ASIC2: variants seen among roughly 807,000 people sequenced by gnomAD.
ASIC2 encodes the protein acid sensing ion channel subunit 2.
ASIC2 carries 25 observed loss-of-function variants against 57.3 expected under a neutral mutation model. That is an observed-to-expected ratio of 0.44 (90% CI 0.32 to 0.61). The LOEUF (loss-of-function observed/expected upper bound fraction) is 0.61. ASIC2 is among the 20% of genes least tolerant of loss of function. The pLI, the probability that ASIC2 is intolerant of heterozygous loss-of-function variation, is 0.06. For synonymous variants in ASIC2, 319 were observed against 307.5 expected (o/e 1.04, Z -0.39); for missense variants, 641 against 738.1 (o/e 0.87, Z 1.52).
At chr17:33,702,979 G>A (rs902511674) in intron 1 of ASIC2, among the ~76,000 whole-genome samples, 8 of 152,146 alleles carry the variant, frequency 5.3e-5, no homozygotes, top group Non-Finnish European at 1.2e-4. Flanking sequence ...ACAGAGTTAC[G>A]GATTGTGCCC....
chr17:33,865,759 TAA>T (rs61218521), intron 1 of ASIC2, among the ~76,000 whole-genome samples: 1,869 of 122,116 alleles, frequency 0.015, 22 homozygotes, highest in African/African-American at 0.02. Flanking sequence ...AAAAAAAAAA[TAA>T]AAAAAAAAAA....
chr17:33,827,782 T>C (rs1391661574), intron 1 of ASIC2: 3 of 152,208 alleles, frequency 2.0e-5, no homozygotes, highest in African/African-American at 7.2e-5. Flanking sequence ...CAGATATACA[T>C]GTACCATGAT....
intron 1 of ASIC2, among the ~76,000 whole-genome samples, chr17:33,503,659 G>A (rs1032359530): frequency 1.3e-5 from 2 of 152,150 alleles, no homozygotes; most frequent in Non-Finnish European, 2.9e-5. Flanking sequence ...TTGGAGCTCA[G>A]TGAGTGGTTG....
intron 1 of ASIC2, among the ~76,000 whole-genome samples, chr17:33,596,558 C>T (rs541716006): frequency 1.1e-4 from 16 of 152,270 alleles, no homozygotes; most frequent in African/African-American, 2.9e-4. Context: ...AAAGTATCAG[C>T]GCCCCCGGCC....
chr17:33,747,380 C>T (rs1279255848), intron 1 of ASIC2, among the ~76,000 whole-genome samples: 7 of 151,988 alleles, frequency 4.6e-5, no homozygotes, highest in South Asian at 2.1e-4. Flanking sequence ...TGCACCACCA[C>T]GCCCAGCTAA....
chr17:33,581,199 A>G (rs1053481601), intron 1 of ASIC2: 44 of 152,254 alleles, frequency 2.9e-4, no homozygotes, highest in African/African-American at 1.0e-3. Flanking sequence ...GATTCAAAGC[A>G]CAAGGATTCA....
At chr17:33,826,602 T>C (rs1052879554) in intron 1 of ASIC2, among the ~76,000 whole-genome samples, 5 of 152,174 alleles carry the variant, frequency 3.3e-5, no homozygotes, top group South Asian at 2.1e-4. Flanking sequence ...GTTTTCCCAG[T>C]GTTTCAGAGC....
intron 1 of ASIC2, among the ~76,000 whole-genome samples, chr17:33,346,536 G>C (rs117875449): frequency 0.015 from 2,272 of 152,240 alleles, 28 homozygotes; most frequent in Middle Eastern, 0.034. Context: ...GCACATGCTC[G>C]TGCACATGTG....
At chr17:33,124,402 C>G (rs4078691) in intron 1 of ASIC2, among the ~76,000 whole-genome samples, 1 of 152,168 alleles carries the variant, frequency 6.6e-6, no homozygotes, top group African/African-American at 2.4e-5. Flanking sequence ...CTTTCTAGAT[C>G]TGTAACAGAC....
intron 1 of ASIC2, among the ~76,000 whole-genome samples, chr17:33,745,672 C>A (rs1406493226): frequency 5.3e-5 from 8 of 151,870 alleles, no homozygotes; most frequent in African/African-American, 1.4e-4. Context: ...AAAAAAAAAT[C>A]TTTTAACTGA....
At chr17:33,556,022 A>G (rs989006110) in intron 1 of ASIC2, among the ~76,000 whole-genome samples, 2 of 152,216 alleles carry the variant, frequency 1.3e-5, no homozygotes, top group African/African-American at 4.8e-5. Context: ...AAAGATACTT[A>G]TTTGAATATC....
At chr17:33,172,017 G>A (rs1426696028) in intron 1 of ASIC2, among the ~76,000 whole-genome samples, 1 of 152,152 alleles carries the variant, frequency 6.6e-6, no homozygotes, top group African/African-American at 2.4e-5. Flanking sequence ...TCAGAACTGC[G>A]ATGCTTATTT....
At chr17:33,299,837 G>A (rs2346689) in intron 1 of ASIC2, among the ~76,000 whole-genome samples, 45,977 of 152,008 alleles carry the variant, frequency 0.3, 6,968 homozygotes, top group East Asian at 0.42. Context: ...CCTGCTTAAT[G>A]GAGAACCCTG....
At chr17:34,095,639 A>C (rs1369856634) in intron 1 of ASIC2, among the ~76,000 whole-genome samples, 3 of 135,600 alleles carry the variant, frequency 2.2e-5, no homozygotes, top group South Asian at 2.2e-4. Context: ...AATTTTATAT[A>C]TATATATATA....
chr17:34,129,024 G>A (rs1408149673), intron 1 of ASIC2, among the ~76,000 whole-genome samples: 1 of 152,184 alleles, frequency 6.6e-6, no homozygotes, highest in African/African-American at 2.4e-5. Context: ...ACCGAAGGAA[G>A]AGAACACTCT....
intron 3 of ASIC2, among the ~76,000 whole-genome samples, chr17:33,065,472 G>A (rs1420910343): frequency 6.6e-6 from 1 of 152,030 alleles, no homozygotes; most frequent in Non-Finnish European, 1.5e-5. Context: ...ACCACATCTG[G>A]CTAATTTTTA....
At chr17:33,849,954 T>G (rs992946179) in intron 1 of ASIC2, among the ~76,000 whole-genome samples, 9 of 152,208 alleles carry the variant, frequency 5.9e-5, no homozygotes, top group Admixed American at 5.2e-4. Flanking sequence ...CCTAGGCAAT[T>G]AATTACAAAA....
intron 1 of ASIC2, among the ~76,000 whole-genome samples, chr17:33,299,928 C>T (rs918157406): frequency 6.6e-6 from 1 of 152,178 alleles, no homozygotes; most frequent in Admixed American, 6.5e-5. Flanking sequence ...TTGGGAGAGA[C>T]TTGCTGTAAA....
chr17:33,132,261 T>A (rs2092349298), intron 1 of ASIC2, among the ~76,000 whole-genome samples: 1 of 152,248 alleles, frequency 6.6e-6, no homozygotes, highest in Non-Finnish European at 1.5e-5. Flanking sequence ...TGTCTTTGAA[T>A]GATGGTTCTG....
Sources: gnomAD v4.1 joint callset for allele counts (sites outside exome capture counted in the v4.1 genomes callset) on GRCh38, gnomAD v4.1.1 for gene constraint, MANE v1.5 for transcripts, NCBI Gene and HGNC (gene_info 2026-07-23, HGNC 2026-07-21) for gene names.